SLC30A8: variants seen among roughly 807,000 people sequenced by gnomAD.
The protein encoded by SLC30A8 is solute carrier family 30 member 8, also known as proton-coupled zinc antiporter SLC30A8.
In SLC30A8, 27 loss-of-function variants were observed where a neutral mutation model predicts 36.9. The observed-to-expected ratio is 0.73, with a 90% CI of 0.54 to 1.01. The LOEUF is 1.01. Among genes scored for constraint, SLC30A8 ranks in the 50% least tolerant of loss-of-function variants. The pLI is 0.00. For missense variants in SLC30A8, 439 were observed against 452.0 expected (o/e 0.97, Z 0.26); for synonymous variants, 164 against 172.4 (o/e 0.95, Z 0.38).
intron 2 of SLC30A8, among the ~76,000 whole-genome samples, chr8:117,080,097 C>T (rs1226775632): frequency 6.6e-6 from 1 of 152,096 alleles, no homozygotes; most frequent in African/African-American, 2.4e-5. Flanking sequence ...GCTTCTCAAT[C>T]AGTGATCTTA....
chr8:117,002,784 T>C (rs1816054515), intron 1 of SLC30A8, among the ~76,000 whole-genome samples: 1 of 152,118 alleles, frequency 6.6e-6, no homozygotes, highest in East Asian at 1.9e-4. Flanking sequence ...TTTGGATTTT[T>C]ACTAGAGACG....
intron 1 of SLC30A8, 132 bp downstream of exon 1, chr8:117,135,530 G>T (rs1056251996): frequency 9.2e-6 from 5 of 541,768 alleles, no homozygotes; most frequent in Middle Eastern, 4.8e-4. Context: ...ATAAGTTGTT[G>T]ACTGACATGT....
At chr8:117,169,668 G>A (rs1333701403) in intron 6 of SLC30A8, among the ~76,000 whole-genome samples, 1 of 152,108 alleles carries the variant, frequency 6.6e-6, no homozygotes, top group Non-Finnish European at 1.5e-5. Flanking sequence ...GGTGGCATTT[G>A]CTTCTGGGGA....
chr8:117,126,648 G>A (rs1820917776), intron 2 of SLC30A8, among the ~76,000 whole-genome samples: 1 of 151,952 alleles, frequency 6.6e-6, no homozygotes, highest in African/African-American at 2.4e-5. Context: ...CGTTTATGAA[G>A]AACTGGGGAG....
intron 1 of SLC30A8, among the ~76,000 whole-genome samples, chr8:117,004,259 T>C (rs1343029864): frequency 3.3e-5 from 5 of 152,210 alleles, no homozygotes; most frequent in Non-Finnish European, 5.9e-5. Context: ...AATGGACATG[T>C]TATTTAAAGT....
chr8:116,951,603 C>T (rs1258051228), intron 1 of SLC30A8, among the ~76,000 whole-genome samples: 3 of 151,920 alleles, frequency 2.0e-5, no homozygotes, highest in East Asian at 3.9e-4. Flanking sequence ...CCCACCCCGC[C>T]GTCTAGACTA....
intron 1 of SLC30A8, among the ~76,000 whole-genome samples, chr8:117,143,204 A>G (rs1821738739): frequency 6.6e-6 from 1 of 152,170 alleles, no homozygotes; most frequent in African/African-American, 2.4e-5. Context: ...TGCAAAAATA[A>G]AGTCCCATTT....
intron 2 of SLC30A8, among the ~76,000 whole-genome samples, chr8:117,076,134 T>C (rs984302196): frequency 6.6e-6 from 1 of 152,244 alleles, no homozygotes. Flanking sequence ...AGTACAATTT[T>C]CTGTACCCCC....
intron 1 of SLC30A8, among the ~76,000 whole-genome samples, chr8:116,997,292 C>T (rs972841478): frequency 5.3e-5 from 8 of 152,140 alleles, no homozygotes; most frequent in African/African-American, 1.9e-4. Context: ...GCCCAGAGCA[C>T]ACTTTAAAAT....
At chr8:117,016,513 C>G (rs932120381) in intron 1 of SLC30A8, among the ~76,000 whole-genome samples, 2 of 152,188 alleles carry the variant, frequency 1.3e-5, no homozygotes, top group African/African-American at 4.8e-5. Flanking sequence ...TCAAGTCTCT[C>G]ATTTCTCCTG....
At chr8:117,059,633 G>A (rs1036166571) in intron 2 of SLC30A8, among the ~76,000 whole-genome samples, 25 of 152,150 alleles carry the variant, frequency 1.6e-4, no homozygotes, top group African/African-American at 6.0e-4. Flanking sequence ...ACCTTTCTTG[G>A]TTTCTACTCC....
At chr8:116,958,712 G>A (rs769314426) in intron 1 of SLC30A8, among the ~76,000 whole-genome samples, 19 of 151,566 alleles carry the variant, frequency 1.3e-4, no homozygotes, top group South Asian at 2.1e-4. Flanking sequence ...TATAGTTTTC[G>A]TTAAATTTGT....
At chr8:117,005,972 A>G (rs1022621914) in intron 1 of SLC30A8, among the ~76,000 whole-genome samples, 6 of 152,218 alleles carry the variant, frequency 3.9e-5, no homozygotes. Context: ...AAAGTGAGCA[A>G]ATGTAGGCCC....
chr8:117,003,516 C>T (rs1386108740), intron 1 of SLC30A8, among the ~76,000 whole-genome samples: 3 of 152,158 alleles, frequency 2.0e-5, no homozygotes, highest in Admixed American at 6.5e-5. Context: ...ATTTGAAAAG[C>T]AGAGCGGCAG....
At chr8:117,093,795 T>G (rs1281707450) in intron 2 of SLC30A8, among the ~76,000 whole-genome samples, 1 of 152,196 alleles carries the variant, frequency 6.6e-6, no homozygotes, top group East Asian at 1.9e-4. Context: ...CAACTTGGCC[T>G]GGCAGGCTGT....
intron 6 of SLC30A8, among the ~76,000 whole-genome samples, chr8:117,167,468 T>A (rs56843368): frequency 0.016 from 2,380 of 151,432 alleles, 60 homozygotes; most frequent in African/African-American, 0.051. Flanking sequence ...TCCAAAGATA[T>A]TTGTGCATTT....
rs1362611064 is a variant in SLC30A8, at chr8:117,161,850, A to T, written c.685A>T (p.Ile229Phe). ...TGCCCTTGGAGATCTATTTCAGAGT[A>T]TCAGTGTGCTAATTAGTGCACTTAT... ...VHALGDLFQS[I>F]SVLISALIIY... The change falls in exon 5 of 8, where the codon ATC becomes TTC. Residue 229 changes from isoleucine to phenylalanine, a missense_variant. By Grantham distance (21) the Ile-to-Phe change is conservative. Transcript: ENST00000456015. The T allele has an allele frequency of 2.5e-6, 4 of 1,613,960 alleles. No individual in the cohort carries two copies. The highest frequency in any genetic ancestry group is 1.1e-5 in the South Asian group (1 of 91,078).
At position 117,136,738 on chromosome 8, in the gene SLC30A8, G is replaced by A. The variant is rs751132933; in HGVS notation, c.71+1340G>A. Among the ~76,000 whole-genome samples the A allele has an allele frequency of 3.3e-5, 5 of 152,050 alleles. 1 individual carries two copies. The South Asian group carries it at 1.0e-3, about 31-fold the overall frequency. ...TAACCCTATGGATACTATCAATAGA[G>A]CATCTCCACATTACTGAAATAACAA... On this transcript the variant is annotated intron_variant, in intron 1 of 7. Transcript: ENST00000456015.
At chr8:117,123,714 G>A (rs998284649) in intron 2 of SLC30A8, among the ~76,000 whole-genome samples, 3 of 151,968 alleles carry the variant, frequency 2.0e-5, no homozygotes, top group Non-Finnish European at 4.4e-5. Flanking sequence ...TGACAGAGTT[G>A]TACAATATCA....
Sources: allele counts gnomAD v4.1 joint callset (sites outside exome capture counted in the v4.1 genomes callset), GRCh38; gene constraint gnomAD v4.1.1; transcripts MANE v1.5; gene names NCBI Gene and HGNC (gene_info 2026-07-23, HGNC 2026-07-21).